The following ARSK variants were observed in gnomAD, a reference collection of about 807,000 sequenced individuals.
The protein encoded by ARSK is arylsulfatase K.
Under a neutral mutation model 53.2 loss-of-function variants are expected in ARSK, and 37 were observed. That is an observed-to-expected ratio of 0.70 (90% CI 0.54 to 0.92). The LOEUF (loss-of-function observed/expected upper bound fraction) is 0.92, where lower values mean the gene tolerates loss of function less well. ARSK is among the 40% of genes least tolerant of loss of function. The probability of loss-of-function intolerance (pLI) is 0.00; values close to 1 mark genes in which losing one functional copy is unlikely to be tolerated. For missense variants in ARSK, 613 were observed against 643.0 expected, an observed-to-expected ratio of 0.95 and a Z score of 0.51; for synonymous variants, 208 against 223.2, an observed-to-expected ratio of 0.93 and a Z score of 0.61.
At chr5:95,556,157 T>A in intron 1 of ARSK, 1 of 701,190 alleles carries the variant, frequency 1.4e-6, no homozygotes, top group South Asian at 1.5e-5. Context: ...GTTAAGCATA[T>A]CTGGCACTAA....
chr5:95,570,344 T>C (rs1207972784), intron 3 of ARSK, among the ~76,000 whole-genome samples: 1 of 152,234 alleles, frequency 6.6e-6, no homozygotes, highest in Non-Finnish European at 1.5e-5. Context: ...TTGCATGAGC[T>C]AGTTTCTCTG....
chr5:95,566,147 G>T lies in ARSK; in HGVS notation c.256+20G>T. On this transcript the variant is annotated intron_variant, in intron 2 of 7. Coordinates refer to ENST00000380009, the MANE Select transcript of ARSK (RefSeq NM_198150.3). ...GCGCAGGTATGAACATCCTTAATATGAATGGGAGAAAGTGGCTACACACTG... is the reference window on the plus strand; with the variant it reads ...GCGCAGGTATGAACATCCTTAATATTAATGGGAGAAAGTGGCTACACACTG... The T allele has an allele frequency of 1.2e-6, 2 of 1,608,846 alleles. No individual in the cohort carries two copies. The highest frequency in any genetic ancestry group is 1.7e-5 in the Admixed American group (1 of 58,782).
chr5:95,560,370 A>G (rs912601360), intron 1 of ARSK, among the ~76,000 whole-genome samples: 46 of 152,056 alleles, frequency 3.0e-4, no homozygotes, highest in African/African-American at 1.1e-3. Context: ...CAAGGGACCC[A>G]GAATAGCCAA....
At chr5:95,579,293 A>G (rs1284741883) in intron 3 of ARSK, among the ~76,000 whole-genome samples, 1 of 152,188 alleles carries the variant, frequency 6.6e-6, no homozygotes. Flanking sequence ...AGACATAACC[A>G]AGACTGGGTA....
chr5:95,585,361 C>G (rs975169615), intron 4 of ARSK, among the ~76,000 whole-genome samples: 3 of 152,176 alleles, frequency 2.0e-5, no homozygotes, highest in African/African-American at 7.2e-5. Flanking sequence ...GAAAAAGATA[C>G]TTGCTCTCAC....
At chr5:95,581,279 G>A (rs569451665) in intron 3 of ARSK, among the ~76,000 whole-genome samples, 1 of 152,170 alleles carries the variant, frequency 6.6e-6, no homozygotes, top group South Asian at 2.1e-4. Context: ...ATAAGGAGAA[G>A]GCATAAATTT....
rs1748757657 is a variant in ARSK at position 95,568,012 on chromosome 5, G to C, written c.379G>C (p.Gly127Arg). Reference protein sequence around the residue: ...ERHGYRTQKFGKLDYTSGHHS... With the variant: ...ERHGYRTQKFRKLDYTSGHHS... ...GCATGGCTACCGAACACAGAAATTT[G>C]GGAAACTGGACTATACTTCAGGACA... Residue 127 changes from glycine (G) to arginine (R), a missense_variant, in exon 3 of 8, where the codon GGG (glycine) becomes CGG (arginine). By Grantham distance (125) the Gly-to-Arg change is moderately radical (BLOSUM62 -2). Coordinates refer to ENST00000380009, the MANE Select transcript of ARSK (RefSeq NM_198150.3). The C allele has an allele frequency of 6.2e-7, 1 of 1,613,524 alleles. No individual in the cohort carries two copies. The highest frequency in any genetic ancestry group is 8.5e-7 in the Non-Finnish European group (1 of 1,179,814).
At chr5:95,589,491 A>G (rs145308852) in intron 5 of ARSK, among the ~76,000 whole-genome samples, 1,645 of 152,188 alleles carry the variant, frequency 0.011, 20 homozygotes, top group South Asian at 0.035. Flanking sequence ...ATGTGTTCTC[A>G]TTGTTCAGCT....
chr5:95,581,851 G>A (rs1331484499), intron 3 of ARSK, among the ~76,000 whole-genome samples: 1 of 152,068 alleles, frequency 6.6e-6, no homozygotes, highest in African/African-American at 2.4e-5. Context: ...GAATCTGTTA[G>A]ATGTAATTCT....
intron 3 of ARSK, among the ~76,000 whole-genome samples, chr5:95,575,951 G>A (rs1033493168): frequency 6.6e-6 from 1 of 152,018 alleles, no homozygotes; most frequent in African/African-American, 2.4e-5. Flanking sequence ...GGGCATTCTT[G>A]TTGTGTTCCA....
intron 3 of ARSK, chr5:95,580,812 C>A: frequency 2.9e-6 from 2 of 694,404 alleles, no homozygotes; most frequent in Non-Finnish European, 4.3e-6. Flanking sequence ...GTAGTATATT[C>A]ATCTACTGAA....
intron 3 of ARSK, among the ~76,000 whole-genome samples, chr5:95,581,916 A>T (rs1161805682): frequency 2.6e-5 from 4 of 152,144 alleles, no homozygotes; most frequent in African/African-American, 9.6e-5. Context: ...TCTACAAAGA[A>T]AAATGAATTT....
chr5:95,577,368 A>G (rs1405447481), intron 3 of ARSK, among the ~76,000 whole-genome samples: 2 of 152,204 alleles, frequency 1.3e-5, no homozygotes, highest in Non-Finnish European at 1.5e-5. Flanking sequence ...AAAGTATTTT[A>G]TTACAGTTTT....
rs1749440476 is a variant in ARSK, at chr5:95,603,344, T to A, written c.1429T>A (p.Ser477Thr). The change falls in exon 8 of 8, where the codon TCT becomes ACT. Residue 477 changes from serine (S) to threonine (T), a missense_variant. Ser to Thr is a moderately conservative substitution (Grantham distance 58). Coordinates refer to ENST00000380009, the MANE Select transcript of ARSK (RefSeq NM_198150.3). ...TTCCATTATAAACTACCCTAAAGTT[T>A]CTGCTTCTGTCCACCAGTATAATAA... Reference protein sequence around the residue: ...LHSIINYPKVSASVHQYNKEQ... With the variant: ...LHSIINYPKVTASVHQYNKEQ... The A allele has an allele frequency of 1.2e-6, 2 of 1,612,938 alleles. No homozygotes were observed. Among genetic ancestry groups the A allele is most frequent in the Non-Finnish European group, 1.7e-6 (2 of 1,179,484 alleles).
intron 3 of ARSK, among the ~76,000 whole-genome samples, chr5:95,572,194 A>C (rs2112421937): frequency 6.6e-6 from 1 of 152,304 alleles, no homozygotes; most frequent in South Asian, 2.1e-4. Flanking sequence ...TGGGCTGCAC[A>C]GTTGTTTCAT....
At chr5:95,589,131 C>T (rs1749169629) in intron 5 of ARSK, among the ~76,000 whole-genome samples, 1 of 152,128 alleles carries the variant, frequency 6.6e-6, no homozygotes, top group African/African-American at 2.4e-5. Context: ...GGATGTCTTC[C>T]CCAACCACTC....
intron 7 of ARSK, 51 bp downstream of exon 7, chr5:95,601,122 C>A: frequency 7.0e-7 from 1 of 1,437,296 alleles, no homozygotes; most frequent in Non-Finnish European, 9.8e-7. Flanking sequence ...AATGAACTGC[C>A]CTATGTAGCA....
chr5:95,603,533 A>T lies in ARSK; in HGVS notation c.*7A>T. On this transcript the variant is annotated 3_prime_UTR_variant, in exon 8 of 8. Coordinates refer to ENST00000380009, the MANE Select transcript of ARSK (RefSeq NM_198150.3). The stretch of plus-strand genomic sequence containing the variant: ...GAATCCAAGAGCAGTTTGAACAAAA[A>T]GTTTAAAAATAGTGTTCTAGAGATA... 1 of 1,579,892 alleles carries T rather than the reference A, an allele frequency of 6.3e-7. No homozygotes were observed.
At chr5:95,556,111 ATCAC>A in intron 1 of ARSK, 1 of 662,294 alleles carries the variant, frequency 1.5e-6, no homozygotes, top group Admixed American at 2.3e-5. Flanking sequence ...TTAGTTTATT[ATCAC>A]TCGGTGTTAC....
Sources: allele counts gnomAD v4.1 joint callset (sites outside exome capture counted in the v4.1 genomes callset), GRCh38; gene constraint gnomAD v4.1.1; transcripts MANE v1.5; gene names NCBI Gene and HGNC (gene_info 2026-07-23, HGNC 2026-07-21).